The following HDAC9 variants were observed in gnomAD, a reference collection of about 807,000 sequenced individuals.
HDAC9 encodes histone deacetylase 9.
Under a neutral mutation model 139.4 loss-of-function variants are expected in HDAC9, and 41 were observed. That is an observed-to-expected ratio of 0.29 (90% CI 0.23 to 0.38). The LOEUF (loss-of-function observed/expected upper bound fraction) is 0.38. Ranked by LOEUF, HDAC9 falls within the 10% of genes least tolerant of loss-of-function variation. The probability of loss-of-function intolerance (pLI) is 1.00; values close to 1 mark genes in which losing one functional copy is unlikely to be tolerated. For missense variants in HDAC9, 1,147 were observed against 1,297.0 expected (o/e 0.88, Z 1.78); for synonymous variants, 517 against 476.2 (o/e 1.09, Z -1.12).
intron 6 of HDAC9, among the ~76,000 whole-genome samples, chr7:18,603,558 A>C (rs1834564575): frequency 6.6e-6 from 1 of 152,118 alleles, no homozygotes; most frequent in Non-Finnish European, 1.5e-5. Context: ...TACAGGTCAT[A>C]CAGGTACCTT....
chr7:18,162,435 A>T, intron 2 of HDAC9: 1 of 1,280,512 alleles, frequency 7.8e-7, no homozygotes, highest in Non-Finnish European at 1.1e-6. Flanking sequence ...AATTTAATTT[A>T]TGAAGGAACT....
At chr7:18,607,090 T>A (rs536432826) in intron 6 of HDAC9, among the ~76,000 whole-genome samples, 37 of 152,304 alleles carry the variant, frequency 2.4e-4, no homozygotes, top group Middle Eastern at 6.8e-3. Context: ...ATGAAAAAGT[T>A]AAGTATGTTA....
In HDAC9 at chr7:18,896,054, A is replaced by G. The variant is rs1414659681; in HGVS notation, c.2803+21458A>G. 6.6e-5 allele frequency among the ~76,000 whole-genome samples: 10 copies of G among 152,106 alleles called. 1 individual carries two copies. Among genetic ancestry groups the G allele is most frequent in the Admixed American group, 6.6e-4 (10 of 15,248 alleles). ...GCAGTTTTCATTAATGCCGAAGGGA[A>G]ACATCAAGAAGATACTTTTCCTAAT... On this transcript the variant is annotated intron_variant, in intron 22 of 25. Transcript: ENST00000686413.
chr7:18,631,959 A>T (rs1289180758), intron 7 of HDAC9, among the ~76,000 whole-genome samples: 1 of 151,978 alleles, frequency 6.6e-6, no homozygotes, highest in Non-Finnish European at 1.5e-5. Flanking sequence ...TGATTTCTAC[A>T]TAAGGAAATA....
chr7:18,138,263 G>T (rs566523954), intron 1 of HDAC9, among the ~76,000 whole-genome samples: 1 of 152,100 alleles, frequency 6.6e-6, no homozygotes, highest in East Asian at 1.9e-4. Flanking sequence ...CCAGCTCCTG[G>T]ATTCATTCTT....
At chr7:18,985,183 A>C (rs1313355919) in intron 25 of HDAC9, among the ~76,000 whole-genome samples, 2 of 152,084 alleles carry the variant, frequency 1.3e-5, no homozygotes, top group African/African-American at 4.8e-5. Flanking sequence ...CTAATTCGTC[A>C]TCTAGCATTA....
intron 12 of HDAC9, among the ~76,000 whole-genome samples, chr7:18,675,746 C>A (rs1438310168): frequency 1.3e-5 from 2 of 152,006 alleles, no homozygotes; most frequent in Non-Finnish European, 2.9e-5. Flanking sequence ...CTCCTCCCTG[C>A]CCCAAGAGTT....
chr7:18,177,055 A>G (rs1481402050), intron 2 of HDAC9, among the ~76,000 whole-genome samples: 1 of 152,176 alleles, frequency 6.6e-6, no homozygotes, highest in Non-Finnish European at 1.5e-5. Flanking sequence ...ATTGTATGTC[A>G]TTTTCCCTTC....
chr7:18,668,663 G>A, intron 12 of HDAC9: 1 of 982,010 alleles, frequency 1.0e-6, no homozygotes, highest in Non-Finnish European at 1.2e-6. Flanking sequence ...AGGAAAGCTG[G>A]ACTTAAATAA....
chr7:18,228,402 A>G (rs1584741793), intron 2 of HDAC9, among the ~76,000 whole-genome samples: 1 of 152,170 alleles, frequency 6.6e-6, no homozygotes, highest in East Asian at 1.9e-4. Context: ...TAAACGCCAC[A>G]TACCTGAAAA....
rs56152659 is a variant in HDAC9 at position 18,590,277 on chromosome 7, A to G, written c.265-59A>G. 5.2e-3 allele frequency: 8,174 copies of G among 1,560,992 alleles called. 31 individuals are homozygous for G. Among genetic ancestry groups the G allele is most frequent in the Middle Eastern group, 6.5e-3 (35 of 5,356 alleles). On this transcript the variant is annotated intron_variant, in intron 3 of 25. Coordinates refer to ENST00000686413, the MANE Select transcript of HDAC9 (RefSeq NM_178425.4). The stretch of plus-strand genomic sequence containing the variant: ...AGCTCATAACATTTCAGTTTTGGTC[A>G]GTGATGACTATGAAGCCTAAAGAAA...
At chr7:18,775,318 C>G (rs1334784387) in intron 16 of HDAC9, among the ~76,000 whole-genome samples, 1 of 152,046 alleles carries the variant, frequency 6.6e-6, no homozygotes, top group South Asian at 2.1e-4. Flanking sequence ...CGCCCATAGA[C>G]TTGCTTAACT....
intron 16 of HDAC9, among the ~76,000 whole-genome samples, chr7:18,783,688 G>A (rs2157901): frequency 0.79 from 116,876 of 148,180 alleles, 46,469 homozygotes; most frequent in Non-Finnish European, 0.85. Context: ...TGCCTTTCCC[G>A]CTTTAGAATT....
intron 24 of HDAC9, among the ~76,000 whole-genome samples, chr7:18,968,958 CAAAAAAAAA>C (rs34379636): frequency 2.2e-4 from 10 of 45,182 alleles, no homozygotes; most frequent in African/African-American, 7.5e-4. Context: ...GCCTCCCTCT[CAAAAAAAAA>C]AAAAAAAAAA....
intron 1 of HDAC9, among the ~76,000 whole-genome samples, chr7:18,413,409 A>G (rs1267808616): frequency 2.0e-5 from 3 of 152,152 alleles, no homozygotes; most frequent in Non-Finnish European, 2.9e-5. Flanking sequence ...GGATTCACCA[A>G]CTTAAACATT....
chr7:18,905,899 CTTCTTTTCT>C (rs763332703), intron 22 of HDAC9, among the ~76,000 whole-genome samples: 36 of 145,442 alleles, frequency 2.5e-4, no homozygotes, highest in Admixed American at 6.9e-4. Context: ...CTTTCTTTTC[CTTCTTTTCT>C]TTCTTTTCTT....
intron 12 of HDAC9, among the ~76,000 whole-genome samples, chr7:18,679,575 T>C (rs914925503): frequency 6.6e-6 from 1 of 151,368 alleles, no homozygotes; most frequent in East Asian, 1.9e-4. Flanking sequence ...TCTTTCCCTC[T>C]TTCTCTTTCT....
chr7:18,994,823 A>C (rs1786328511), intron 25 of HDAC9, among the ~76,000 whole-genome samples: 1 of 152,214 alleles, frequency 6.6e-6, no homozygotes, highest in Non-Finnish European at 1.5e-5. Flanking sequence ...CTCTGGTTTA[A>C]ACATAGCATG....
At chr7:18,691,623 C>A (rs1022070589) in intron 12 of HDAC9, among the ~76,000 whole-genome samples, 25 of 152,062 alleles carry the variant, frequency 1.6e-4, no homozygotes, top group Middle Eastern at 3.4e-3. Context: ...AACCAAAATT[C>A]CTTTCAGTTA....
Sources: gnomAD v4.1 joint callset for allele counts (sites outside exome capture counted in the v4.1 genomes callset) on GRCh38, gnomAD v4.1.1 for gene constraint, MANE v1.5 for transcripts, NCBI Gene and HGNC (gene_info 2026-07-23, HGNC 2026-07-21) for gene names.